The following SH3BGRL2 variants were observed in gnomAD, a reference collection of about 807,000 sequenced individuals.
The protein encoded by SH3BGRL2 is SH3 domain-binding glutamic acid-rich-like protein 2.
In SH3BGRL2, 21 loss-of-function variants were observed where a neutral mutation model predicts 14.8. The ratio of observed to expected loss-of-function variants is 1.42; its 90% CI spans 1.01 to 2.05. The LOEUF (loss-of-function observed/expected upper bound fraction) is 2.05, where lower values mean the gene tolerates loss of function less well. SH3BGRL2 is among the 30% of genes most tolerant of loss of function. The pLI is 0.00. For missense variants in SH3BGRL2, 147 were observed against 130.8 expected, an observed-to-expected ratio of 1.12 and a Z score of -0.61; for synonymous variants, 50 against 47.8, an observed-to-expected ratio of 1.05 and a Z score of -0.19.
the SH3BGRL2 span, among the ~76,000 whole-genome samples, chr6:79,616,160 G>T: frequency 6.6e-6 from 1 of 152,108 alleles, no homozygotes; most frequent in Non-Finnish European, 1.5e-5. Context: ...GTAATAATGT[G>T]GGCTGAAGTC....
At chr6:79,652,875 T>G (rs951070005) in intron 1 of SH3BGRL2, among the ~76,000 whole-genome samples, 3 of 152,198 alleles carry the variant, frequency 2.0e-5, no homozygotes, top group African/African-American at 4.8e-5. Context: ...TATGGTATAA[T>G]AAGTGCTCCT....
chr6:79,571,143 T>C, the SH3BGRL2 span, among the ~76,000 whole-genome samples: 1 of 152,228 alleles, frequency 6.6e-6, no homozygotes, highest in East Asian at 1.9e-4. Context: ...TAATCAAGAA[T>C]GAAAGCGCAT....
intron 1 of SH3BGRL2, among the ~76,000 whole-genome samples, chr6:79,651,532 C>T (rs1042902939): frequency 6.6e-6 from 1 of 151,970 alleles, no homozygotes; most frequent in Non-Finnish European, 1.5e-5. Flanking sequence ...TTTTTTAATG[C>T]AGACTAAAAG....
chr6:79,691,119 A>T, intron 2 of SH3BGRL2, among the ~76,000 whole-genome samples: 1 of 151,970 alleles, frequency 6.6e-6, no homozygotes, highest in East Asian at 1.9e-4. Context: ...ACACCATTAC[A>T]CTCCAGTCTG....
At chr6:79,606,467 C>A in the SH3BGRL2 span, among the ~76,000 whole-genome samples, 3 of 152,186 alleles carry the variant, frequency 2.0e-5, no homozygotes, top group Non-Finnish European at 4.4e-5. Context: ...GTGAACACTG[C>A]TGGGTAGTAC....
At chr6:79,537,634 G>C in the SH3BGRL2 span, among the ~76,000 whole-genome samples, 1 of 152,204 alleles carries the variant, frequency 6.6e-6, no homozygotes, top group Non-Finnish European at 1.5e-5. Flanking sequence ...GAGCGCTCCA[G>C]GCTCCTACGG....
intron 1 of SH3BGRL2, among the ~76,000 whole-genome samples, chr6:79,637,600 G>A (rs1452570340): frequency 6.6e-6 from 1 of 151,886 alleles, no homozygotes; most frequent in Non-Finnish European, 1.5e-5. Context: ...GGCTGAAGCA[G>A]GAGAATCACT....
chr6:79,643,474 T>G (rs1177991002), intron 1 of SH3BGRL2, among the ~76,000 whole-genome samples: 1 of 152,228 alleles, frequency 6.6e-6, no homozygotes, highest in African/African-American at 2.4e-5. Flanking sequence ...GTAGGCATGA[T>G]GTCCTTAGAT....
the SH3BGRL2 span, among the ~76,000 whole-genome samples, chr6:79,546,350 C>T: frequency 1.1e-4 from 17 of 152,246 alleles, no homozygotes; most frequent in East Asian, 3.9e-4. Flanking sequence ...GCCTCAGAAT[C>T]GTGGCTACTG....
At chr6:79,559,914 T>C in the SH3BGRL2 span, among the ~76,000 whole-genome samples, 18 of 152,238 alleles carry the variant, frequency 1.2e-4, no homozygotes, top group African/African-American at 4.1e-4. Flanking sequence ...TATTGTGTTA[T>C]TTGTACTCTT....
chr6:79,695,207 G>T (rs1312572189), intron 2 of SH3BGRL2, among the ~76,000 whole-genome samples: 1 of 152,056 alleles, frequency 6.6e-6, no homozygotes, highest in African/African-American at 2.4e-5. Context: ...TGGCCAAATC[G>T]CTCTTTTCAG....
chr6:79,631,318 G>C (rs548674043), upstream of SH3BGRL2: 11 of 666,110 alleles, frequency 1.7e-5, no homozygotes, highest in African/African-American at 3.8e-5. Context: ...CGGACCCGCC[G>C]GGAGGGAGCC....
At chr6:79,607,065 G>A in the SH3BGRL2 span, among the ~76,000 whole-genome samples, 23 of 152,064 alleles carry the variant, frequency 1.5e-4, no homozygotes, top group Non-Finnish European at 2.9e-4. Context: ...TTTTCCCCCA[G>A]CAATAGTTTT....
intron 2 of SH3BGRL2, among the ~76,000 whole-genome samples, chr6:79,695,398 A>T (rs1770310240): frequency 6.6e-6 from 1 of 152,242 alleles, no homozygotes; most frequent in African/African-American, 2.4e-5. Flanking sequence ...AGATTTTTTA[A>T]TCAGACAAGG....
At chr6:79,626,960 C>T (rs190397629), upstream of SH3BGRL2, among the ~76,000 whole-genome samples, 26 of 152,196 alleles carry the variant, frequency 1.7e-4, no homozygotes, top group African/African-American at 6.0e-4. Flanking sequence ...GATTATGAAA[C>T]AGCAACTCAA....
the SH3BGRL2 span, among the ~76,000 whole-genome samples, chr6:79,590,961 TA>T: frequency 6.6e-6 from 1 of 152,242 alleles, no homozygotes; most frequent in East Asian, 1.9e-4. Flanking sequence ...TCTACATCCC[TA>T]AAACATTTCA....
chr6:79,617,234 A>G, the SH3BGRL2 span, among the ~76,000 whole-genome samples: 2 of 151,970 alleles, frequency 1.3e-5, no homozygotes, highest in African/African-American at 4.8e-5. Context: ...AAAATGAAAC[A>G]CTTTCATTCA....
chr6:79,678,400 G>T (rs1769926334), intron 2 of SH3BGRL2, among the ~76,000 whole-genome samples: 1 of 151,860 alleles, frequency 6.6e-6, no homozygotes, highest in Admixed American at 6.6e-5. Context: ...TTGTTTTTTT[G>T]CAACTGGCTT....
chr6:79,611,883 T>C, the SH3BGRL2 span, among the ~76,000 whole-genome samples: 88 of 152,320 alleles, frequency 5.8e-4, no homozygotes, highest in East Asian at 0.013. Flanking sequence ...GGCAACATTA[T>C]GCCTCTCTTG....
Sources: gnomAD v4.1 joint callset for allele counts (sites outside exome capture counted in the v4.1 genomes callset) on GRCh38, gnomAD v4.1.1 for gene constraint, MANE v1.5 for transcripts, NCBI Gene and HGNC (gene_info 2026-07-23, HGNC 2026-07-21) for gene names.